The following FAM107B variants were observed in gnomAD, a reference collection of about 807,000 sequenced individuals.
FAM107B encodes protein FAM107B.
A neutral mutation model predicts 31.5 loss-of-function variants in FAM107B; 21 were observed. The ratio of observed to expected loss-of-function variants is 0.67; its 90% confidence interval spans 0.47 to 0.96. The LOEUF (loss-of-function observed/expected upper bound fraction) is 0.96. Ranked by LOEUF, FAM107B falls within the 40% of genes least tolerant of loss-of-function variation. FAM107B has a pLI of 0.00. For synonymous variants in FAM107B, 157 were observed against 141.5 expected, an observed-to-expected ratio of 1.11 and a Z score of -0.78; for missense variants, 452 against 377.1, an observed-to-expected ratio of 1.20 and a Z score of -1.64.
chr10:14,674,413 G>T (rs1293923981), intron 1 of FAM107B, among the ~76,000 whole-genome samples: 1 of 152,110 alleles, frequency 6.6e-6, no homozygotes, highest in African/African-American at 2.4e-5. Context: ...TCTCAGCATT[G>T]CTCCCTGGGG....
intron 2 of FAM107B, among the ~76,000 whole-genome samples, chr10:14,543,210 C>T (rs1359591791): frequency 1.3e-5 from 2 of 152,104 alleles, no homozygotes; most frequent in East Asian, 1.9e-4. Flanking sequence ...GTAAAAGGCA[C>T]AGTTTGGTGT....
At chr10:14,583,926 G>A (rs567227446) in intron 2 of FAM107B, among the ~76,000 whole-genome samples, 7 of 152,304 alleles carry the variant, frequency 4.6e-5, no homozygotes, top group East Asian at 3.9e-4. Context: ...CGTGGTCACC[G>A]TTGTTCATAG....
At chr10:14,703,343 T>G (rs1855446771) in intron 1 of FAM107B, among the ~76,000 whole-genome samples, 1 of 151,284 alleles carries the variant, frequency 6.6e-6, no homozygotes, top group African/African-American at 2.4e-5. Flanking sequence ...TTTTTTTTTT[T>G]TCTGAGACAG....
intron 2 of FAM107B, chr10:14,571,905 G>C (rs1160773512): frequency 1.4e-5 from 14 of 985,438 alleles, no homozygotes; most frequent in Non-Finnish European, 1.7e-5. Context: ...AACGGTTACA[G>C]AGACTGACCT....
chr10:14,714,606 C>T (rs530354188), intron 1 of FAM107B, among the ~76,000 whole-genome samples: 2 of 152,076 alleles, frequency 1.3e-5, no homozygotes, highest in Non-Finnish European at 2.9e-5. Context: ...CACACCTACC[C>T]GAAGACTTTA....
At chr10:14,713,447 G>C (rs1185065848) in intron 1 of FAM107B, among the ~76,000 whole-genome samples, 1 of 152,316 alleles carries the variant, frequency 6.6e-6, no homozygotes, top group Non-Finnish European at 1.5e-5. Context: ...GACAGTCTTT[G>C]AGCAGGAAGA....
chr10:14,522,871 C>T (rs1442222200), intron 3 of FAM107B, among the ~76,000 whole-genome samples: 1 of 152,152 alleles, frequency 6.6e-6, no homozygotes, highest in African/African-American at 2.4e-5. Flanking sequence ...AAGGACATGG[C>T]CGTGCAGAAC....
At chr10:14,731,031 G>C (rs1856160778) in intron 1 of FAM107B, among the ~76,000 whole-genome samples, 1 of 152,186 alleles carries the variant, frequency 6.6e-6, no homozygotes, top group African/African-American at 2.4e-5. Context: ...GAATCAGGGA[G>C]AGGGCTTAGC....
intron 3 of FAM107B, among the ~76,000 whole-genome samples, chr10:14,524,900 T>C (rs1245231734): frequency 1.3e-5 from 2 of 152,242 alleles, no homozygotes; most frequent in Admixed American, 1.3e-4. Context: ...AACCTATGAA[T>C]GGGTTTAACT....
intron 1 of FAM107B, among the ~76,000 whole-genome samples, chr10:14,680,166 TG>T (rs1469526841): frequency 6.6e-6 from 1 of 152,144 alleles, no homozygotes; most frequent in Non-Finnish European, 1.5e-5. Context: ...ACTGGGCTGG[TG>T]GAAGTCTTAC....
intron 2 of FAM107B, among the ~76,000 whole-genome samples, chr10:14,647,485 C>A (rs1037306831): frequency 6.6e-6 from 1 of 152,006 alleles, no homozygotes; most frequent in Non-Finnish European, 1.5e-5. Flanking sequence ...TTGAAGCCAG[C>A]CTGACCAACT....
chr10:14,621,811 G>A (rs1853017384), intron 2 of FAM107B, among the ~76,000 whole-genome samples: 2 of 152,164 alleles, frequency 1.3e-5, no homozygotes, highest in African/African-American at 2.4e-5. Flanking sequence ...GCTGCTGAAA[G>A]CGGAGTATAA....
intron 1 of FAM107B, among the ~76,000 whole-genome samples, chr10:14,706,756 G>C (rs1306312865): frequency 6.6e-6 from 1 of 152,210 alleles, no homozygotes; most frequent in Admixed American, 6.5e-5. Flanking sequence ...TTTGCCAATT[G>C]ATATTGCCAA....
intron 2 of FAM107B, among the ~76,000 whole-genome samples, chr10:14,628,112 G>GGTTTTTTTTGTTTTTTTTTTTTT (rs1440347763): frequency 1.1e-5 from 1 of 92,688 alleles, no homozygotes; most frequent in Non-Finnish European, 2.1e-5. Flanking sequence ...TGTTTTGCTG[G>GGTTTTTTTTGTTTTTTTTTTTTT]TTTTTTTTTT....
intron 2 of FAM107B, among the ~76,000 whole-genome samples, chr10:14,547,991 T>TC (rs1395431165): frequency 2.0e-5 from 3 of 152,210 alleles, no homozygotes; most frequent in African/African-American, 4.8e-5. Flanking sequence ...AAGTCTGTTT[T>TC]CCCACTTCCC....
chr10:14,528,484 C>A (rs1182640898), intron 3 of FAM107B, among the ~76,000 whole-genome samples: 1 of 152,056 alleles, frequency 6.6e-6, no homozygotes, highest in Non-Finnish European at 1.5e-5. Context: ...GCCCAGCCTA[C>A]TTTAATTTTT....
chr10:14,602,378 T>C (rs903249193), intron 2 of FAM107B: 1 of 152,206 alleles, frequency 6.6e-6, no homozygotes. Context: ...ATTTTGCATA[T>C]TAGAGAATTC....
At chr10:14,726,443 G>T (rs897920360) in intron 1 of FAM107B, among the ~76,000 whole-genome samples, 2 of 152,196 alleles carry the variant, frequency 1.3e-5, no homozygotes, top group African/African-American at 4.8e-5. Context: ...CACCAGGCTT[G>T]AGAAAAGAAA....
chr10:14,740,324 A>C (rs1423320385), intron 1 of FAM107B, among the ~76,000 whole-genome samples: 1 of 152,232 alleles, frequency 6.6e-6, no homozygotes, highest in Non-Finnish European at 1.5e-5. Flanking sequence ...AGGAACACTA[A>C]ATGCATATTG....
Sources: allele counts gnomAD v4.1 joint callset (sites outside exome capture counted in the v4.1 genomes callset), GRCh38; gene constraint gnomAD v4.1.1; transcripts MANE v1.5; gene names NCBI Gene and HGNC (gene_info 2026-07-23, HGNC 2026-07-21).